Variants in STAG1 observed in about 807,000 individuals in gnomAD.
The protein encoded by STAG1 is cohesin subunit SA-1.
STAG1 carries 26 observed loss-of-function variants against 170.9 expected under a neutral mutation model. The ratio of observed to expected loss-of-function variants is 0.15; its 90% CI spans 0.11 to 0.21. The LOEUF (loss-of-function observed/expected upper bound fraction) is 0.21. STAG1 is among the 10% of genes least tolerant of loss of function. The probability of loss-of-function intolerance (pLI) is 1.00; values close to 1 mark genes in which losing one functional copy is unlikely to be tolerated. For synonymous variants in STAG1, 514 were observed against 497.7 expected, an observed-to-expected ratio of 1.03 and a Z score of -0.44; for missense variants, 964 against 1,509.5, an observed-to-expected ratio of 0.64 and a Z score of 5.99.
intron 4 of STAG1, among the ~76,000 whole-genome samples, chr3:136,598,830 A>G (rs190253076): frequency 3.3e-5 from 5 of 152,338 alleles, no homozygotes; most frequent in Non-Finnish European, 7.3e-5. Context: ...TAACTGCATT[A>G]TAAAGAAAAC....
intron 1 of STAG1, among the ~76,000 whole-genome samples, chr3:136,644,233 G>C (rs73863640): frequency 0.083 from 12,611 of 152,218 alleles, 1,733 homozygotes; most frequent in African/African-American, 0.29. Context: ...GAAAAACTTT[G>C]AGGATGGTTC....
At chr3:136,602,609 G>T (rs1938726479) in intron 4 of STAG1, among the ~76,000 whole-genome samples, 1 of 152,052 alleles carries the variant, frequency 6.6e-6, no homozygotes, top group African/African-American at 2.4e-5. Flanking sequence ...CCAGCACTTT[G>T]GAAGGCAGAG....
intron 12 of STAG1, among the ~76,000 whole-genome samples, chr3:136,468,451 A>C (rs1392722174): frequency 1.3e-5 from 2 of 152,206 alleles, no homozygotes; most frequent in Admixed American, 6.5e-5. Context: ...CCCAAGACTA[A>C]ACCAGGAAGA....
intron 1 of STAG1, among the ~76,000 whole-genome samples, chr3:136,681,418 A>T (rs1413681135): frequency 2.6e-5 from 4 of 152,186 alleles, no homozygotes; most frequent in Non-Finnish European, 5.9e-5. Context: ...AGCCTTCCTT[A>T]TATGATCAAT....
At chr3:136,345,731 A>ATG (rs1051707575) in intron 29 of STAG1, among the ~76,000 whole-genome samples, 7 of 152,046 alleles carry the variant, frequency 4.6e-5, no homozygotes, top group African/African-American at 1.7e-4. Flanking sequence ...AGTCTCAGAG[A>ATG]TGTGTGTGTT....
At chr3:136,686,130 G>T (rs1319602742) in intron 1 of STAG1, among the ~76,000 whole-genome samples, 1 of 152,202 alleles carries the variant, frequency 6.6e-6, no homozygotes, top group African/African-American at 2.4e-5. Flanking sequence ...TGTTTTGGCA[G>T]CTGGGCTTGG....
intron 1 of STAG1, among the ~76,000 whole-genome samples, chr3:136,721,672 G>A (rs1007944031): frequency 2.5e-4 from 38 of 151,980 alleles, no homozygotes; most frequent in South Asian, 6.2e-4. Context: ...GGCGGATCAC[G>A]AGGTCAGGAG....
At chr3:136,724,206 T>C (rs887961911) in intron 1 of STAG1, among the ~76,000 whole-genome samples, 3 of 152,108 alleles carry the variant, frequency 2.0e-5, no homozygotes, top group African/African-American at 4.8e-5. Flanking sequence ...ATGGTTGCCA[T>C]GTCTGTGTAG....
rs1180934302 is a variant in STAG1, at chr3:136,647,674, A to G, written c.-83-16693T>C. 3.3e-5 allele frequency among the ~76,000 whole-genome samples: 5 copies of G among 152,234 alleles called. No homozygotes were observed. The East Asian group carries it at 7.7e-4, about 24-fold the overall frequency. ...CCCCATGTCAATATTTCATTTCCCT[A>G]CTAGCTCTTTTGCTAAGTCTACAAA... On this transcript the variant is annotated intron_variant, in intron 1 of 33. Transcript: ENST00000383202.
chr3:136,675,230 T>C (rs1167824998), intron 1 of STAG1, among the ~76,000 whole-genome samples: 7 of 152,200 alleles, frequency 4.6e-5, no homozygotes, highest in Admixed American at 3.9e-4. Context: ...CCATTTGGCA[T>C]TGTCCAACCA....
At chr3:136,562,240 A>G (rs1936874989) in intron 5 of STAG1, among the ~76,000 whole-genome samples, 1 of 151,652 alleles carries the variant, frequency 6.6e-6, no homozygotes, top group Non-Finnish European at 1.5e-5. Flanking sequence ...AGTCTACTTT[A>G]AACAGTTTCT....
At chr3:136,725,046 G>A (rs540380019) in intron 1 of STAG1, among the ~76,000 whole-genome samples, 3 of 152,152 alleles carry the variant, frequency 2.0e-5, no homozygotes, top group African/African-American at 7.2e-5. Context: ...AACTAGAAAG[G>A]TTCCAAATGG....
At chr3:136,614,140 C>T (rs1051411219) in intron 3 of STAG1, among the ~76,000 whole-genome samples, 6 of 152,254 alleles carry the variant, frequency 3.9e-5, no homozygotes, top group Admixed American at 2.0e-4. Context: ...TGCTTGAACC[C>T]GGGAGGCGGA....
chr3:136,690,805 A>C (rs149859747), intron 1 of STAG1, among the ~76,000 whole-genome samples: 1,533 of 151,984 alleles, frequency 0.01, 14 homozygotes, highest in Non-Finnish European at 0.015. Flanking sequence ...CTTTGATACT[A>C]TGGGAAACAA....
chr3:136,751,794 C>G (rs983569491), intron 1 of STAG1, among the ~76,000 whole-genome samples: 1 of 138,260 alleles, frequency 7.2e-6, no homozygotes, highest in Non-Finnish European at 1.6e-5. Context: ...GCGGGCGACT[C>G]CCGAGAGCCC....
intron 7 of STAG1, among the ~76,000 whole-genome samples, chr3:136,510,337 G>A (rs900967130): frequency 4.6e-5 from 7 of 151,878 alleles, no homozygotes; most frequent in African/African-American, 7.3e-5. Context: ...TCGCCCAGAC[G>A]GGAGTGCAGT....
chr3:136,426,261 T>C (rs1344378809), intron 16 of STAG1, among the ~76,000 whole-genome samples: 1 of 151,626 alleles, frequency 6.6e-6, no homozygotes, highest in African/African-American at 2.4e-5. Context: ...CAAAAAAAAA[T>C]TAGCTGCGTG....
rs2088684650 is a variant in STAG1 at position 136,443,268 on chromosome 3, A to G, written c.1546+19T>C. ...TGGAAATACAAAATCATGTAAATTA[A>G]CTTGTCAAAATACTATACCTTCCTC... On this transcript the variant is annotated intron_variant, in intron 15 of 33. Coordinates refer to ENST00000383202, the MANE Select transcript of STAG1 (RefSeq NM_005862.3). 1.3e-6 allele frequency: 2 copies of G among 1,539,618 alleles called. No homozygotes were observed. Among genetic ancestry groups the G allele is most frequent in the Non-Finnish European group, 1.8e-6 (2 of 1,117,058 alleles).
At chr3:136,493,402 C>G (rs2090157493) in intron 9 of STAG1, among the ~76,000 whole-genome samples, 2 of 152,048 alleles carry the variant, frequency 1.3e-5, no homozygotes, top group South Asian at 4.1e-4. Context: ...CACCTGTAAT[C>G]CCATCACTTT....
Sources: allele counts gnomAD v4.1 joint callset (sites outside exome capture counted in the v4.1 genomes callset), GRCh38; gene constraint gnomAD v4.1.1; transcripts MANE v1.5; gene names NCBI Gene and HGNC (gene_info 2026-07-23, HGNC 2026-07-21).